CEP290: variants seen among roughly 807,000 people sequenced by gnomAD.
CEP290 encodes the protein centrosomal protein 290.
In CEP290, 317 loss-of-function variants were observed where a neutral mutation model predicts 344.9. That is an observed-to-expected ratio of 0.92 (90% CI 0.84 to 1.01). CEP290 has a LOEUF of 1.01. Among genes scored for constraint, CEP290 ranks in the 50% least tolerant of loss-of-function variants. The pLI, the probability that CEP290 is intolerant of heterozygous loss-of-function variation, is 0.00. For synonymous variants in CEP290, 932 were observed against 895.8 expected (o/e 1.04, Z -0.72); for missense variants, 2,754 against 2,761.4 (o/e 1.00, Z 0.06).
At chr12:88,058,795 T>C in intron 49 of CEP290, 53 bp downstream of exon 49, 2 of 1,573,364 alleles carry the variant, frequency 1.3e-6, no homozygotes, top group South Asian at 2.3e-5. Flanking sequence ...TTTAAAACAA[T>C]GCCAAAATTT....
chr12:88,075,931 A>T (rs2035739976), intron 41 of CEP290, among the ~76,000 whole-genome samples: 1 of 152,194 alleles, frequency 6.6e-6, no homozygotes, highest in African/African-American at 2.4e-5. Context: ...CTGGCAATAC[A>T]GATAGTATTA....
chr12:88,071,739 G>C (rs547815756), intron 42 of CEP290, 42 bp downstream of exon 42: 1 of 1,462,424 alleles, frequency 6.8e-7, no homozygotes, highest in Admixed American at 2.5e-5. Context: ...GTCACTAAAG[G>C]ATTTTACACA....
intron 38 of CEP290, among the ~76,000 whole-genome samples, chr12:88,079,967 G>A (rs2036070841): frequency 6.6e-6 from 1 of 152,032 alleles, no homozygotes. Context: ...TCACAAATCA[G>A]ATTGACGAAA....
At chr12:88,121,746 G>T (rs2137933692) in intron 13 of CEP290, among the ~76,000 whole-genome samples, 1 of 152,222 alleles carries the variant, frequency 6.6e-6, no homozygotes, top group South Asian at 2.1e-4. Flanking sequence ...GTTGAGATAG[G>T]CACAGCAACA....
chr12:88,132,131 T>G (rs1420224654), intron 6 of CEP290, among the ~76,000 whole-genome samples: 1 of 152,214 alleles, frequency 6.6e-6, no homozygotes, highest in East Asian at 1.9e-4. Flanking sequence ...TAATACAGCA[T>G]TCTCTTATCT....
At chr12:88,086,266 C>T (rs2036566258) in intron 33 of CEP290, 93 bp from the exon 34 acceptor site, 8 of 1,483,910 alleles carry the variant, frequency 5.4e-6, no homozygotes, top group East Asian at 2.3e-5. Flanking sequence ...ATAGATTAAA[C>T]CCCTCTTATA....
intron 39 of CEP290, among the ~76,000 whole-genome samples, chr12:88,078,525 GGAATGAA>G (rs2035953986): frequency 6.6e-6 from 1 of 151,944 alleles, no homozygotes; most frequent in African/African-American, 2.4e-5. Context: ...TGCAGAGGAA[GGAATGAA>G]GAAGAGAGGC....
Position 88,120,343 on chromosome 12 carries a change from AT to A in CEP290, c.1360-68del, listed in dbSNP as rs527630483. ...CTTGAATAAATTTATCAAGTTCATG[AT>A]TTTTTTTTTACTAAGTCTAAAGGAA... On this transcript the variant is annotated intron_variant, in intron 14 of 53. Coordinates refer to ENST00000552810, the MANE Select transcript of CEP290 (RefSeq NM_025114.4). 5,613 of 764,706 alleles carry A rather than the reference AT, an allele frequency of 7.3e-3. 3 individuals carry two copies. The highest frequency in any genetic ancestry group is 0.01 in the African/African-American group (547 of 52,986). The allele number at this position is 764,706 out of a possible 1,614,324, so 47.4% of individuals were successfully genotyped here.
rs565544804 is a variant in CEP290 at position 88,064,938 on chromosome 12, C to T, written c.6136-823G>A. On this transcript the variant is annotated intron_variant, in intron 44 of 53. Coordinates refer to ENST00000552810, the MANE Select transcript of CEP290 (RefSeq NM_025114.4). ...CTCCTTCGGAAAGCCCTCCTTCATT[C>T]TTTGAGCTAAAGTAATGGTTCCCTC... is the stretch of plus-strand genomic sequence containing the variant. Among the ~76,000 whole-genome samples the T allele has an allele frequency of 1.1e-4, 17 of 152,220 alleles. No homozygotes were observed. The South Asian group carries it at 3.5e-3, about 32-fold the overall frequency.
rs1241950761 is a variant in CEP290 at position 88,090,739 on chromosome 12, G to A, written c.3562C>T (p.Leu1188=). ...KEVESLRMQL[L]DYQAQSDEKS... Reference sequence around the variant, plus strand: ...AATACTGCACATACCTGATAGTCTAGCAGTTGCATTCTGAGGGACTCTACT... The same window carrying A: ...AATACTGCACATACCTGATAGTCTAACAGTTGCATTCTGAGGGACTCTACT... Residue 1188 remains leucine, a synonymous_variant, in exon 30 of 54, where the codon CTA becomes TTA. Coordinates refer to ENST00000552810, the MANE Select transcript of CEP290 (RefSeq NM_025114.4). 6.5e-6 allele frequency: 10 copies of A among 1,550,360 alleles called. No individual in the cohort carries two copies. Among genetic ancestry groups the A allele is most frequent in the Non-Finnish European group, 8.8e-6 (10 of 1,142,468 alleles).
chr12:88,071,094 C>A (rs181807766), intron 43 of CEP290, among the ~76,000 whole-genome samples, 200 bp downstream of exon 43: 1 of 152,188 alleles, frequency 6.6e-6, no homozygotes, highest in Admixed American at 6.5e-5. Context: ...AAACAAGAAC[C>A]AGAGTCTCAC....
intron 52 of CEP290, among the ~76,000 whole-genome samples, chr12:88,052,477 G>A (rs1015555074): frequency 6.6e-6 from 1 of 152,138 alleles, no homozygotes; most frequent in Non-Finnish European, 1.5e-5. Context: ...AATGTGTATA[G>A]TATTAGTTCA....
Position 88,060,877 on chromosome 12 carries a change from T to G in CEP290, c.6475A>C (p.Thr2159Pro). 1 of 1,544,106 alleles carries G rather than the reference T, an allele frequency of 6.5e-7. No individual in the cohort carries two copies. The highest frequency in any genetic ancestry group is 8.7e-7 in the Non-Finnish European group (1 of 1,145,460). Residue 2159 changes from threonine to proline, a missense_variant, in exon 47 of 54, where the codon ACT (threonine) becomes CCT (proline). By Grantham distance (38) the Thr-to-Pro change is conservative. Transcript: ENST00000552810. ...TCAATATTAGCCATTTTTTCACTAG[T>G]CAATATTCCTGATGCTTTTTTCAAC... The part of the protein sequence containing the change: ...EQLKKASGIL[T>P]SEKMANIEQE...
In CEP290 at chr12:88,053,763, A is replaced by G; in HGVS notation, c.7035-17T>C. The G allele has an allele frequency of 7.7e-7, 1 of 1,293,106 alleles. No individual in the cohort carries two copies. Among genetic ancestry groups the G allele is most frequent in the East Asian group, 2.5e-5 (1 of 39,922 alleles). The allele number at this position is 1,293,106 out of a possible 1,614,324, so 80.1% of individuals were successfully genotyped here. A position where few individuals can be genotyped will look rare whatever the true frequency, so the allele number is the denominator to read the frequency against. On this transcript the variant is annotated splice_polypyrimidine_tract_variant and intron_variant, in intron 51 of 53. Coordinates refer to ENST00000552810, the MANE Select transcript of CEP290 (RefSeq NM_025114.4). ...TTAGCTAATCTAGAACACAATGATA[A>G]TGTGTTAAAAAAATAAAGCAGATAT... is the stretch of plus-strand genomic sequence containing the variant.
At chr12:88,095,476 A>C (rs2037360796) in intron 27 of CEP290, among the ~76,000 whole-genome samples, 1 of 152,220 alleles carries the variant, frequency 6.6e-6, no homozygotes, top group Non-Finnish European at 1.5e-5. Context: ...CATTTATTAA[A>C]AATAAAGATG....
rs2037474741 is a variant in CEP290, at chr12:88,096,941, G to T, written c.3050C>A (p.Thr1017Asn). 6.3e-7 allele frequency: 1 copy of T among 1,581,362 alleles called. No individual in the cohort carries two copies. Among genetic ancestry groups the T allele is most frequent in the African/African-American group, 1.3e-5 (1 of 74,280 alleles). The change falls in exon 27 of 54, where the codon ACC becomes AAC. Residue 1017 changes from threonine to asparagine, a missense_variant. Transcript: ENST00000552810. ...TTCAATAGTGTGAAGTTTTTCCTTG[G>T]TAATCTCCAGTTCTTTATTTATAGA... ...VESINKELEI[T>N]KEKLHTIEQA... is the part of the protein sequence containing the mutation.
At chr12:88,068,473 G>A in intron 44 of CEP290, 49 bp downstream of exon 44, 2 of 1,220,036 alleles carry the variant, frequency 1.6e-6, no homozygotes, top group Non-Finnish European at 2.2e-6. Flanking sequence ...TCACTTTCAT[G>A]CATTTTAACA....
chr12:88,067,454 G>T (rs1347349392), intron 44 of CEP290, among the ~76,000 whole-genome samples: 1 of 152,150 alleles, frequency 6.6e-6, no homozygotes, highest in Non-Finnish European at 1.5e-5. Flanking sequence ...TGGCTGGACT[G>T]ACGCATCAGT....
At chr12:88,078,665 TG>T (rs1414157079) in intron 39 of CEP290, among the ~76,000 whole-genome samples, 1 of 152,108 alleles carries the variant, frequency 6.6e-6, no homozygotes, top group Non-Finnish European at 1.5e-5. Flanking sequence ...GAGGTAAACT[TG>T]GACTTTGGGT....
Sources: gnomAD v4.1 joint callset for allele counts (sites outside exome capture counted in the v4.1 genomes callset) on GRCh38, gnomAD v4.1.1 for gene constraint, MANE v1.5 for transcripts, NCBI Gene and HGNC (gene_info 2026-07-23, HGNC 2026-07-21) for gene names.